The following MAGI1 variants were observed in gnomAD, a reference collection of about 807,000 sequenced individuals.
The protein encoded by MAGI1 is membrane-associated guanylate kinase, WW and PDZ domain-containing protein 1.
MAGI1 carries 58 observed loss-of-function variants against 139.9 expected under a neutral mutation model. That is an observed-to-expected ratio of 0.41 (90% confidence interval 0.34 to 0.52). The LOEUF (loss-of-function observed/expected upper bound fraction) is 0.52. Ranked by LOEUF, MAGI1 falls within the 20% of genes least tolerant of loss-of-function variation. The pLI, the probability that MAGI1 is intolerant of heterozygous loss-of-function variation, is 0.12. For missense variants in MAGI1, 1,874 were observed against 1,901.6 expected, an observed-to-expected ratio of 0.99 and a Z score of 0.27; for synonymous variants, 812 against 737.9, an observed-to-expected ratio of 1.10 and a Z score of -1.63.
chr3:65,887,131 C>G (rs2060566122), intron 1 of MAGI1, among the ~76,000 whole-genome samples: 1 of 151,478 alleles, frequency 6.6e-6, no homozygotes, highest in African/African-American at 2.4e-5. Context: ...TATGCCATCT[C>G]AAAAAAAGAT....
At position 65,872,582 on chromosome 3, in the gene MAGI1, G is replaced by C. The variant is rs532085589; in HGVS notation, c.313+165414C>G. Among the ~76,000 whole-genome samples the C allele has an allele frequency of 3.1e-4, 47 of 152,282 alleles. 1 individual carries two copies. The highest frequency in any genetic ancestry group is 1.1e-3 in the African/African-American group (44 of 41,572). ...GTCTTCTAAAGCCAAACAAATGAAA[G>C]AAAGGAGTGTTTATGTCTACCAAAA... On this transcript the variant is annotated intron_variant, in intron 1 of 22. Coordinates refer to ENST00000402939, the MANE Select transcript of MAGI1 (RefSeq NM_001033057.2).
At chr3:65,660,797 C>T (rs530675044) in intron 1 of MAGI1, among the ~76,000 whole-genome samples, 2 of 152,278 alleles carry the variant, frequency 1.3e-5, no homozygotes, top group South Asian at 4.1e-4. Context: ...CTATGGGAGG[C>T]CACCATGTCT....
At chr3:65,921,898 C>T (rs1322874008) in intron 1 of MAGI1, among the ~76,000 whole-genome samples, 1 of 147,886 alleles carries the variant, frequency 6.8e-6, no homozygotes, top group Non-Finnish European at 1.5e-5. Flanking sequence ...AGAGTGAGAC[C>T]CTATCTCCAA....
At chr3:65,439,579 G>T (rs923421888) in intron 9 of MAGI1, among the ~76,000 whole-genome samples, 1 of 152,148 alleles carries the variant, frequency 6.6e-6, no homozygotes, top group Non-Finnish European at 1.5e-5. Context: ...GCTACCAGTT[G>T]CAATGCAAAT....
intron 1 of MAGI1, among the ~76,000 whole-genome samples, chr3:65,663,460 A>G (rs2086319004): frequency 6.6e-6 from 1 of 152,208 alleles, no homozygotes; most frequent in South Asian, 2.1e-4. Flanking sequence ...AGCACAATTA[A>G]CATCTTAAAA....
At chr3:65,839,350 T>C (rs2058730232) in intron 1 of MAGI1, among the ~76,000 whole-genome samples, 1 of 152,180 alleles carries the variant, frequency 6.6e-6, no homozygotes, top group African/African-American at 2.4e-5. Context: ...AATGTTACAG[T>C]TAATGTATTT....
chr3:65,555,034 T>A (rs558178165), intron 2 of MAGI1, among the ~76,000 whole-genome samples: 23 of 152,342 alleles, frequency 1.5e-4, no homozygotes, highest in African/African-American at 4.8e-4. Flanking sequence ...ATTTTGATCA[T>A]GATACCATGG....
rs982706099 is a variant in MAGI1 at position 65,543,246 on chromosome 3, A to G, written c.431-49615T>C. Among the ~76,000 whole-genome samples the G allele has an allele frequency of 2.0e-5, 3 of 152,188 alleles. No individual in the cohort carries two copies. The South Asian group carries it at 6.2e-4, about 31-fold the overall frequency. On this transcript the variant is annotated intron_variant, in intron 2 of 22. Coordinates refer to ENST00000402939, the MANE Select transcript of MAGI1 (RefSeq NM_001033057.2). ...GAATGGCGATCATTAAAAAGTCAGG[A>G]AACAGCAGATGTTGGAGAGGATGTA...
At chr3:66,007,168 T>A (rs7636595) in intron 1 of MAGI1, among the ~76,000 whole-genome samples, 64,614 of 151,726 alleles carry the variant, frequency 0.43, 15,542 homozygotes, top group East Asian at 0.73. Flanking sequence ...ACGTAAAGTC[T>A]ATTAAGCTTG....
At chr3:65,820,708 C>T (rs1297173848) in intron 1 of MAGI1, among the ~76,000 whole-genome samples, 1 of 152,156 alleles carries the variant, frequency 6.6e-6, no homozygotes, top group African/African-American at 2.4e-5. Flanking sequence ...CCCCAGGACT[C>T]TGTTGTCTTA....
chr3:65,515,939 A>G (rs759009166), intron 2 of MAGI1, among the ~76,000 whole-genome samples: 1 of 152,240 alleles, frequency 6.6e-6, no homozygotes, highest in Non-Finnish European at 1.5e-5. Context: ...GGCAGTACTG[A>G]CTGATGCACA....
At chr3:65,656,426 T>C (rs1368839981) in intron 1 of MAGI1, among the ~76,000 whole-genome samples, 2 of 152,174 alleles carry the variant, frequency 1.3e-5, no homozygotes, top group African/African-American at 4.8e-5. Flanking sequence ...GAGAACCAAA[T>C]TTTATATGCC....
At chr3:65,648,350 A>C (rs1222960562) in intron 1 of MAGI1, among the ~76,000 whole-genome samples, 1 of 151,650 alleles carries the variant, frequency 6.6e-6, no homozygotes, top group African/African-American at 2.4e-5. Flanking sequence ...GGGTCTCATT[A>C]TGTTGCCCAA....
intron 1 of MAGI1, among the ~76,000 whole-genome samples, chr3:65,966,919 A>G (rs143099024): frequency 2.0e-5 from 3 of 152,348 alleles, no homozygotes; most frequent in African/African-American, 7.2e-5. Context: ...AATGGTTAAT[A>G]GACAGTAACC....
intron 1 of MAGI1, among the ~76,000 whole-genome samples, chr3:65,701,505 G>A (rs901850685): frequency 7.9e-5 from 12 of 152,148 alleles, no homozygotes; most frequent in Middle Eastern, 6.8e-3. Flanking sequence ...CGCCTGCCTC[G>A]ACCTCCCAAA....
intron 3 of MAGI1, among the ~76,000 whole-genome samples, chr3:65,493,237 G>A (rs533261250): frequency 4.8e-4 from 73 of 151,952 alleles, no homozygotes; most frequent in African/African-American, 9.2e-4. Flanking sequence ...TCCTAATACC[G>A]CACATGTCCG....
Position 65,391,246 on chromosome 3 carries a change from G to GA in MAGI1, c.2311_2312insT (p.Pro771LeufsTer12). On this transcript the variant is annotated frameshift_variant, in exon 14 of 23. Coordinates refer to ENST00000402939, the MANE Select transcript of MAGI1 (RefSeq NM_001033057.2). LOFTEE classifies it high-confidence loss of function. ...ATCTGGAGCTTGGGCCTCTGCAGGTGGGAACTCGGGGAGCACCTGTGTGCT... is the reference window on the plus strand; with the variant it reads ...ATCTGGAGCTTGGGCCTCTGCAGGTGAGGAACTCGGGGAGCACCTGTGTGCT... The GA allele has an allele frequency of 6.2e-7, 1 of 1,614,174 alleles. No individual in the cohort carries two copies. The highest frequency in any genetic ancestry group is 8.5e-7 in the Non-Finnish European group (1 of 1,180,034).
intron 1 of MAGI1, among the ~76,000 whole-genome samples, chr3:65,646,974 C>G (rs984191560): frequency 4.0e-5 from 6 of 151,598 alleles, no homozygotes. Context: ...CAAGAACCCA[C>G]AAAAACAAGA....
chr3:65,565,045 C>A (rs1217418584), intron 2 of MAGI1, among the ~76,000 whole-genome samples: 2 of 152,158 alleles, frequency 1.3e-5, no homozygotes, highest in Non-Finnish European at 2.9e-5. Context: ...CTTTCCAAAC[C>A]TAGATAACAC....
Sources: allele counts gnomAD v4.1 joint callset (sites outside exome capture counted in the v4.1 genomes callset), GRCh38; gene constraint gnomAD v4.1.1; transcripts MANE v1.5; gene names NCBI Gene and HGNC (gene_info 2026-07-23, HGNC 2026-07-21).